Variants in ADGRB3 observed in about 807,000 individuals in gnomAD.
ADGRB3 encodes the protein adhesion G protein-coupled receptor B3.
In ADGRB3, 37 loss-of-function variants were observed where a neutral mutation model predicts 193.4. That is an observed-to-expected ratio of 0.19 (90% CI 0.15 to 0.25). ADGRB3 has a LOEUF of 0.25. Ranked by LOEUF, ADGRB3 falls within the 10% of genes least tolerant of loss-of-function variation. The probability of loss-of-function intolerance (pLI) is 1.00; values close to 1 mark genes in which losing one functional copy is unlikely to be tolerated. For synonymous variants in ADGRB3, 690 were observed against 644.2 expected, an observed-to-expected ratio of 1.07 and a Z score of -1.08; for missense variants, 1,637 against 1,852.9, an observed-to-expected ratio of 0.88 and a Z score of 2.14.
At chr6:68,737,313 T>C (rs1309968502) in intron 3 of ADGRB3, among the ~76,000 whole-genome samples, 1 of 152,132 alleles carries the variant, frequency 6.6e-6, no homozygotes, top group African/African-American at 2.4e-5. Context: ...AAAAAGACAT[T>C]CTTTTTTTGC....
chr6:69,025,091 CAAA>C (rs66494212), intron 13 of ADGRB3, among the ~76,000 whole-genome samples: 14,666 of 140,698 alleles, frequency 0.1, 781 homozygotes, highest in Middle Eastern at 0.23. Flanking sequence ...GACTCCGTCT[CAAA>C]AAAAAAAAAA....
At chr6:69,024,594 T>A (rs1305202936) in intron 13 of ADGRB3, among the ~76,000 whole-genome samples, 1 of 152,206 alleles carries the variant, frequency 6.6e-6, no homozygotes, top group Non-Finnish European at 1.5e-5. Context: ...AAATAAGATC[T>A]TCAAATACAG....
chr6:69,099,604 A>T (rs973211465), intron 17 of ADGRB3, among the ~76,000 whole-genome samples: 4 of 152,196 alleles, frequency 2.6e-5, no homozygotes, highest in Admixed American at 6.5e-5. Flanking sequence ...TTGCTCCTCA[A>T]TGTGCTTCAC....
intron 27 of ADGRB3, among the ~76,000 whole-genome samples, 189 bp downstream of exon 27, chr6:69,354,517 G>T (rs1047667933): frequency 6.6e-6 from 1 of 152,164 alleles, no homozygotes; most frequent in Non-Finnish European, 1.5e-5. Flanking sequence ...AGGACATGTT[G>T]TTGGCTCCCT....
chr6:68,732,909 C>G (rs1285886721), intron 3 of ADGRB3, among the ~76,000 whole-genome samples: 2 of 151,920 alleles, frequency 1.3e-5, no homozygotes, highest in Non-Finnish European at 2.9e-5. Flanking sequence ...CTGGACCCCA[C>G]TCCAGAGTTT....
chr6:69,122,494 A>AGGGGGGT (rs1773739170), intron 17 of ADGRB3, among the ~76,000 whole-genome samples: 2 of 3,830 alleles, frequency 5.2e-4, no homozygotes, highest in Non-Finnish European at 1.1e-3. Context: ...GGGGAGGGGG[A>AGGGGGGT]GGGGGAGAGG....
In ADGRB3 at chr6:69,137,006, C is replaced by A. The variant is rs575279634; in HGVS notation, c.2480+60968C>A. 6.7e-5 allele frequency among the ~76,000 whole-genome samples: 10 copies of A among 148,160 alleles called. No homozygotes were observed. In the East Asian group the frequency reaches 1.8e-3, roughly 26 times the overall value. On this transcript the variant is annotated intron_variant, in intron 17 of 31. Coordinates refer to ENST00000370598, the MANE Select transcript of ADGRB3 (RefSeq NM_001704.3). ...CGTATCTTTTTCCAATAGAAAATAT[C>A]TTTTTACTTCTCATCCCACCGATGC...
At position 69,061,071 on chromosome 6, in the gene ADGRB3, GA is replaced by G. The variant is rs201050958; in HGVS notation, c.2334-1851del. Among the ~76,000 whole-genome samples the G allele has an allele frequency of 9.2e-3, 1,292 of 140,442 alleles. 14 individuals carry two copies. The highest frequency in any genetic ancestry group is 0.025 in the African/African-American group (965 of 38,086). The allele number at this position is 140,442 out of a possible 152,430, so 92.1% of individuals were successfully genotyped here. On this transcript the variant is annotated intron_variant, in intron 15 of 31. Transcript: ENST00000370598. ...TCAATTGACTCATTTATCATTTAAT[GA>G]AAAAAAAAAAAGACTGTTAACCAGC...
intron 3 of ADGRB3, among the ~76,000 whole-genome samples, chr6:68,740,003 TA>T (rs1328208266): frequency 1.2e-3 from 72 of 57,718 alleles, no homozygotes; most frequent in African/African-American, 5.8e-3. Context: ...GGTACAACAT[TA>T]TTATTAATAA....
At chr6:69,207,514 C>T (rs1233342899) in intron 17 of ADGRB3, among the ~76,000 whole-genome samples, 2 of 152,138 alleles carry the variant, frequency 1.3e-5, no homozygotes, top group African/African-American at 4.8e-5. Context: ...ACCACTGGAT[C>T]CCTAGAAATT....
intron 4 of ADGRB3, among the ~76,000 whole-genome samples, chr6:68,934,793 C>G (rs1767439305): frequency 6.6e-6 from 1 of 152,006 alleles, no homozygotes; most frequent in Admixed American, 6.6e-5. Flanking sequence ...ATAGAGTATT[C>G]TTTAATGTAA....
intron 8 of ADGRB3, among the ~76,000 whole-genome samples, chr6:68,966,456 T>C (rs1369856631): frequency 6.6e-6 from 1 of 152,156 alleles, no homozygotes; most frequent in Admixed American, 6.6e-5. Context: ...TATCCCCAAC[T>C]TTACACTTTA....
At chr6:68,978,986 C>T (rs973873704) in intron 10 of ADGRB3, among the ~76,000 whole-genome samples, 2 of 151,072 alleles carry the variant, frequency 1.3e-5, no homozygotes, top group African/African-American at 4.8e-5. Context: ...GAAATTTTAT[C>T]ATTAATAAAC....
At position 69,219,461 on chromosome 6, in the gene ADGRB3, GTATATATATATATATA is replaced by G. The variant is rs3839475; in HGVS notation, c.2481-13812_2481-13797del. On this transcript the variant is annotated intron_variant, in intron 17 of 31. Transcript: ENST00000370598. ...CTTTAACTTAAAAATACACACACACGTATATATATATATATATATATATATATATATACGTGTGTGT... is the reference window on the plus strand; with the variant it reads ...CTTTAACTTAAAAATACACACACACGTATATATATATATATACGTGTGTGT... Among the ~76,000 whole-genome samples the G allele has an allele frequency of 1.5e-4, 15 of 98,966 alleles. No individual in the cohort carries two copies. In the South Asian group the frequency reaches 1.7e-3, roughly 11 times the overall value. The allele number at this position is 98,966 out of a possible 152,430, so 64.9% of individuals were successfully genotyped here. A position where few individuals can be genotyped will look rare whatever the true frequency, so the allele number is the denominator to read the frequency against.
intron 13 of ADGRB3, among the ~76,000 whole-genome samples, chr6:69,025,111 A>T (rs1012079082): frequency 6.6e-6 from 1 of 151,174 alleles, no homozygotes; most frequent in Middle Eastern, 3.4e-3. Context: ...AAAAAAAAAT[A>T]AAAAATAATA....
At chr6:68,783,323 AAT>A (rs996698256) in intron 3 of ADGRB3, among the ~76,000 whole-genome samples, 20 of 146,882 alleles carry the variant, frequency 1.4e-4, no homozygotes, top group African/African-American at 4.9e-4. Flanking sequence ...ACATATATAT[AAT>A]ATATATATAA....
At chr6:68,982,893 C>A (rs907438878) in intron 10 of ADGRB3, among the ~76,000 whole-genome samples, 3 of 152,132 alleles carry the variant, frequency 2.0e-5, no homozygotes, top group African/African-American at 7.2e-5. Flanking sequence ...AATTAAGAAA[C>A]TTTCGCAGGA....
At chr6:69,331,832 C>T in intron 23 of ADGRB3, 2 of 984,864 alleles carry the variant, frequency 2.0e-6, no homozygotes, top group Non-Finnish European at 2.4e-6. Context: ...TACTAGAATC[C>T]ATAGAATACA....
chr6:68,638,407 A>G (rs542266188), intron 2 of ADGRB3, among the ~76,000 whole-genome samples: 1 of 152,360 alleles, frequency 6.6e-6, no homozygotes, highest in Non-Finnish European at 1.5e-5. Flanking sequence ...GGGCATTCCT[A>G]TTAATAATCT....
Sources: allele counts gnomAD v4.1 joint callset (sites outside exome capture counted in the v4.1 genomes callset), GRCh38; gene constraint gnomAD v4.1.1; transcripts MANE v1.5; gene names NCBI Gene and HGNC (gene_info 2026-07-23, HGNC 2026-07-21).